The following SEMA3C variants were observed in gnomAD, a reference collection of about 807,000 sequenced individuals.
SEMA3C encodes the protein semaphorin 3C, also known as semaphorin-3C.
A neutral mutation model predicts 89.4 loss-of-function variants in SEMA3C; 47 were observed. The ratio of observed to expected loss-of-function variants is 0.53; its 90% CI spans 0.42 to 0.67. The LOEUF is 0.67. Ranked by LOEUF, SEMA3C falls within the 30% of genes least tolerant of loss-of-function variation. The pLI, the probability that SEMA3C is intolerant of heterozygous loss-of-function variation, is 0.00. For synonymous variants in SEMA3C, 310 were observed against 320.2 expected (o/e 0.97, Z 0.34); for missense variants, 839 against 929.1 (o/e 0.90, Z 1.26).
intron 2 of SEMA3C, among the ~76,000 whole-genome samples, chr7:80,863,189 G>A (rs1412059908): frequency 6.6e-6 from 1 of 150,548 alleles, no homozygotes; most frequent in Non-Finnish European, 1.5e-5. Context: ...CCAAGATCGT[G>A]CCATTGCACT....
At chr7:80,814,894 G>A (rs148698127) in intron 5 of SEMA3C, among the ~76,000 whole-genome samples, 128 of 152,092 alleles carry the variant, frequency 8.4e-4, no homozygotes, top group African/African-American at 3.0e-3. Flanking sequence ...GGTCTTCTAT[G>A]TCAACTCTCA....
intron 2 of SEMA3C, among the ~76,000 whole-genome samples, chr7:80,883,677 G>A (rs1791405856): frequency 6.6e-6 from 1 of 152,154 alleles, no homozygotes; most frequent in African/African-American, 2.4e-5. Flanking sequence ...GGACACAAAT[G>A]AAGGCTCACA....
chr7:80,917,965 A>G (rs1219357998), intron 1 of SEMA3C, among the ~76,000 whole-genome samples: 1 of 152,208 alleles, frequency 6.6e-6, no homozygotes, highest in Non-Finnish European at 1.5e-5. Context: ...TTGTAAGTAG[A>G]TTTCCTAGGT....
chr7:80,916,846 T>C (rs542058518), intron 1 of SEMA3C, 27 bp from the exon 2 acceptor site: 1 of 1,592,990 alleles, frequency 6.3e-7, no homozygotes, highest in South Asian at 1.1e-5. Flanking sequence ...ACATGTTTGT[T>C]ATATCTCATT....
At chr7:80,804,396 G>C in intron 7 of SEMA3C, 148 bp from the exon 8 acceptor site, 1 of 469,080 alleles carries the variant, frequency 2.1e-6, no homozygotes, top group Non-Finnish European at 3.7e-6. Flanking sequence ...AGCAGTAATT[G>C]CATTCACACA....
At chr7:80,823,666 G>C (rs754492086) in intron 4 of SEMA3C, among the ~76,000 whole-genome samples, 2 of 151,926 alleles carry the variant, frequency 1.3e-5, no homozygotes, top group African/African-American at 4.8e-5. Flanking sequence ...CAGAAATAGG[G>C]AAACTGATAT....
Position 80,852,010 on chromosome 7 carries a change from C to T in SEMA3C, c.104-23265G>A, listed in dbSNP as rs114580917. Among the ~76,000 whole-genome samples the T allele has an allele frequency of 6.1e-3, 925 of 152,196 alleles. 4 individuals are homozygous for T. Among genetic ancestry groups the T allele is most frequent in the African/African-American group, 0.021 (885 of 41,532 alleles). On this transcript the variant is annotated intron_variant, in intron 2 of 17. Coordinates refer to ENST00000265361, the MANE Select transcript of SEMA3C (RefSeq NM_006379.5). Reference sequence around the variant, plus strand: ...TTTGTTTTTCCACACTTCTGAAACCCTTGATCTTCTCTAAATGCCTGAGCT... The same window carrying T: ...TTTGTTTTTCCACACTTCTGAAACCTTTGATCTTCTCTAAATGCCTGAGCT...
At chr7:80,805,213 G>A (rs1237403002) in intron 7 of SEMA3C, among the ~76,000 whole-genome samples, 5 of 151,902 alleles carry the variant, frequency 3.3e-5, no homozygotes, top group South Asian at 2.1e-4. Flanking sequence ...AGGAGGCCCC[G>A]GCTATACTCT....
intron 2 of SEMA3C, among the ~76,000 whole-genome samples, chr7:80,853,962 T>A (rs768124695): frequency 6.6e-6 from 1 of 150,856 alleles, no homozygotes; most frequent in Non-Finnish European, 1.5e-5. Context: ...ATAAAAAAAA[T>A]GTAAAAAGGA....
chr7:80,772,156 C>T (rs1470144207), intron 12 of SEMA3C, among the ~76,000 whole-genome samples: 3 of 152,050 alleles, frequency 2.0e-5, no homozygotes, highest in Non-Finnish European at 4.4e-5. Flanking sequence ...CTAGACACAT[C>T]AATTATTAAT....
At chr7:80,837,164 T>C (rs1790153099) in intron 2 of SEMA3C, among the ~76,000 whole-genome samples, 1 of 152,186 alleles carries the variant, frequency 6.6e-6, no homozygotes, top group Non-Finnish European at 1.5e-5. Context: ...ATCAGAATCA[T>C]CTGAATCTTC....
rs1337522598 is a variant in SEMA3C, at chr7:80,810,552, T to C, written c.538+59A>G. On this transcript the variant is annotated intron_variant, in intron 6 of 17. Transcript: ENST00000265361. ...AACCATCAAGAATAGGTATACCATGTCAAGCTAATTTTCCATGTTATTTTA... is the reference window on the plus strand; with the variant it reads ...AACCATCAAGAATAGGTATACCATGCCAAGCTAATTTTCCATGTTATTTTA... The C allele has an allele frequency of 2.2e-6, 3 of 1,363,102 alleles. No homozygotes were observed. The African/African-American group carries it at 4.3e-5, about 19-fold the overall frequency. 84.4% of individuals were successfully genotyped at this position (1,363,102 alleles called of 1,614,324 possible).
intron 2 of SEMA3C, among the ~76,000 whole-genome samples, chr7:80,834,084 C>T (rs575314335): frequency 2.0e-5 from 3 of 152,146 alleles, no homozygotes; most frequent in African/African-American, 7.2e-5. Context: ...TCAGGACATG[C>T]TCAATTAACG....
intron 2 of SEMA3C, among the ~76,000 whole-genome samples, chr7:80,897,657 A>T (rs1357086826): frequency 2.6e-5 from 4 of 152,100 alleles, no homozygotes; most frequent in Non-Finnish European, 5.9e-5. Flanking sequence ...AAACATGCTT[A>T]AAAAAAAGTT....
chr7:80,837,537 C>T (rs1236698629), intron 2 of SEMA3C, among the ~76,000 whole-genome samples: 7 of 152,098 alleles, frequency 4.6e-5, no homozygotes, highest in Admixed American at 3.9e-4. Context: ...ATTACCTTAC[C>T]ACAAATCTTA....
chr7:80,845,770 T>C (rs1002223503), intron 2 of SEMA3C, among the ~76,000 whole-genome samples: 8 of 152,162 alleles, frequency 5.3e-5, no homozygotes, highest in Non-Finnish European at 1.2e-4. Flanking sequence ...GGGCAGTCTG[T>C]GTGCTGGGAG....
At chr7:80,815,935 T>G (rs549576467) in intron 5 of SEMA3C, 1 of 152,282 alleles carries the variant, frequency 6.6e-6, no homozygotes, top group Non-Finnish European at 1.5e-5. Context: ...TGTTGCAAAA[T>G]TAACCAATCA....
At chr7:80,917,628 G>A (rs1792308884) in intron 1 of SEMA3C, among the ~76,000 whole-genome samples, 1 of 152,180 alleles carries the variant, frequency 6.6e-6, no homozygotes, top group East Asian at 1.9e-4. Flanking sequence ...ACTAATATCT[G>A]AATCCCAAGG....
At chr7:80,865,441 T>A (rs1790903080) in intron 2 of SEMA3C, among the ~76,000 whole-genome samples, 5 of 152,178 alleles carry the variant, frequency 3.3e-5, no homozygotes. Context: ...TCTCTGTTTT[T>A]ACTGTCTCAT....
Sources: gnomAD v4.1 joint callset for allele counts (sites outside exome capture counted in the v4.1 genomes callset) on GRCh38, gnomAD v4.1.1 for gene constraint, MANE v1.5 for transcripts, NCBI Gene and HGNC (gene_info 2026-07-23, HGNC 2026-07-21) for gene names.